Variants in LSAMP observed in about 807,000 individuals in gnomAD.
LSAMP encodes the protein limbic system associated membrane protein, also known as limbic system-associated membrane protein.
LSAMP carries 7 observed loss-of-function variants against 38.6 expected under a neutral mutation model. The observed-to-expected ratio is 0.18, with a 90% CI of 0.10 to 0.34. The LOEUF is 0.34. LSAMP is among the 10% of genes least tolerant of loss of function. The pLI is 1.00. For synonymous variants in LSAMP, 154 were observed against 166.8 expected (o/e 0.92, Z 0.59); for missense variants, 313 against 420.0 (o/e 0.75, Z 2.23).
chr3:115,939,587 T>TCTTTCTTTCTCTTTCTTTC (rs1553751094), intron 3 of LSAMP, among the ~76,000 whole-genome samples: 2 of 151,238 alleles, frequency 1.3e-5, no homozygotes, highest in Admixed American at 6.6e-5. Flanking sequence ...TTTCTTTCTG[T>TCTTTCTTTCTCTTTCTTTC]TAAGAGACAG....
intron 1 of LSAMP, among the ~76,000 whole-genome samples, chr3:116,427,408 C>A (rs1371347239): frequency 1.3e-5 from 2 of 152,188 alleles, no homozygotes; most frequent in Non-Finnish European, 2.9e-5. Flanking sequence ...GCGTGAGCCA[C>A]CGCGCCCGGC....
intron 1 of LSAMP, among the ~76,000 whole-genome samples, chr3:116,287,276 A>C (rs1003540219): frequency 5.9e-5 from 9 of 152,240 alleles, no homozygotes; most frequent in Non-Finnish European, 1.3e-4. Flanking sequence ...AGATCAGGTC[A>C]AAACTGCTTA....
At position 116,086,450 on chromosome 3, in the gene LSAMP, T is replaced by C; in HGVS notation, c.262A>G (p.Lys88Glu). The C allele has an allele frequency of 6.2e-7, 1 of 1,614,054 alleles. No individual in the cohort carries two copies. The highest frequency in any genetic ancestry group is 8.5e-7 in the Non-Finnish European group (1 of 1,180,000). ...WSLDPRVELE[K>E]RHSLEYSLRI... is the part of the protein sequence containing the mutation. ...AGGCTGTATTCCAGAGAATGGCGTT[T>C]CTCCAGCTCAACCCGTGGGTCCAGA... The change falls in exon 2 of 7, where the codon AAA becomes GAA. Residue 88 changes from lysine to glutamate, a missense_variant. Coordinates refer to ENST00000490035, the MANE Select transcript of LSAMP (RefSeq NM_002338.5).
At chr3:116,224,211 T>C (rs1463559375) in intron 1 of LSAMP, among the ~76,000 whole-genome samples, 1 of 152,206 alleles carries the variant, frequency 6.6e-6, no homozygotes, top group African/African-American at 2.4e-5. Flanking sequence ...GTTATCCAGC[T>C]ATAATTATTT....
In LSAMP at chr3:116,420,179, C is replaced by T. The variant is rs1385149422; in HGVS notation, c.155+24698G>A. On this transcript the variant is annotated intron_variant, in intron 1 of 6. Coordinates refer to ENST00000490035, the MANE Select transcript of LSAMP (RefSeq NM_002338.5). ...GTGGCACGATCTCAGCTCACTGCTA[C>T]CTCCGCCTCCTGGGTTCAAGTGATT... Among the ~76,000 whole-genome samples, 52 of 151,714 alleles carry T rather than the reference C, an allele frequency of 3.4e-4. 1 individual carries two copies. Among genetic ancestry groups the T allele is most frequent in the East Asian group, 2.0e-4 (1 of 5,126 alleles).
intron 1 of LSAMP, among the ~76,000 whole-genome samples, chr3:116,105,970 C>A (rs970318010): frequency 2.0e-5 from 3 of 151,476 alleles, no homozygotes; most frequent in African/African-American, 7.3e-5. Flanking sequence ...GAAGGGAGGT[C>A]TTGTGGTAAG....
intron 1 of LSAMP, among the ~76,000 whole-genome samples, chr3:116,425,796 G>GT (rs1286347823): frequency 6.6e-6 from 1 of 151,676 alleles, no homozygotes; most frequent in Non-Finnish European, 1.5e-5. Context: ...AAAAATTAAT[G>GT]TTTTTTGAGA....
At chr3:115,997,176 T>C (rs996864050) in intron 3 of LSAMP, among the ~76,000 whole-genome samples, 1 of 152,182 alleles carries the variant, frequency 6.6e-6, no homozygotes, top group African/African-American at 2.4e-5. Context: ...AAATAATATA[T>C]AGTAGACTTA....
intron 1 of LSAMP, among the ~76,000 whole-genome samples, chr3:116,167,419 T>C (rs1710086879): frequency 6.6e-6 from 1 of 152,322 alleles, no homozygotes; most frequent in East Asian, 1.9e-4. Context: ...TCCAAAAGGA[T>C]AGAGGAAAAG....
At chr3:116,106,455 G>A (rs1210649987) in intron 1 of LSAMP, among the ~76,000 whole-genome samples, 1 of 152,150 alleles carries the variant, frequency 6.6e-6, no homozygotes, top group Non-Finnish European at 1.5e-5. Flanking sequence ...CAGCTCAAAT[G>A]GGCTGTACCT....
At chr3:116,163,251 G>C (rs1709944883) in intron 1 of LSAMP, among the ~76,000 whole-genome samples, 1 of 115,744 alleles carries the variant, frequency 8.6e-6, no homozygotes, top group Non-Finnish European at 1.7e-5. Context: ...ACAGTCCCCA[G>C]TGTGTGATGT....
intron 1 of LSAMP, among the ~76,000 whole-genome samples, chr3:116,243,311 C>T (rs2046563654): frequency 6.6e-6 from 1 of 152,064 alleles, no homozygotes; most frequent in South Asian, 2.1e-4. Flanking sequence ...AGCATGAAGC[C>T]AGCTTAATAG....
intron 1 of LSAMP, among the ~76,000 whole-genome samples, chr3:116,421,516 C>G (rs2049125361): frequency 6.8e-6 from 1 of 148,010 alleles, no homozygotes; most frequent in South Asian, 2.2e-4. Flanking sequence ...TGCACTCCAG[C>G]CTGGGCAACA....
chr3:116,297,943 T>C (rs2047357686), intron 1 of LSAMP, among the ~76,000 whole-genome samples: 1 of 152,190 alleles, frequency 6.6e-6, no homozygotes, highest in African/African-American at 2.4e-5. Context: ...CAGAATCCAC[T>C]AATTCTGTAG....
chr3:116,408,833 A>G (rs891999407), intron 1 of LSAMP, among the ~76,000 whole-genome samples: 1 of 152,106 alleles, frequency 6.6e-6, no homozygotes, highest in African/African-American at 2.4e-5. Context: ...CACAATGACT[A>G]TAAAGCATAA....
intron 1 of LSAMP, among the ~76,000 whole-genome samples, chr3:116,364,390 A>C (rs1297863370): frequency 6.4e-5 from 1 of 15,520 alleles, no homozygotes; most frequent in Non-Finnish European, 1.0e-4. Flanking sequence ...AGAACATTCC[A>C]TGCTCATGGG....
At chr3:116,018,913 G>A (rs993486732) in intron 3 of LSAMP, among the ~76,000 whole-genome samples, 1 of 152,144 alleles carries the variant, frequency 6.6e-6, no homozygotes, top group Non-Finnish European at 1.5e-5. Context: ...CTGATGCACA[G>A]AACCAGATGC....
intron 1 of LSAMP, among the ~76,000 whole-genome samples, chr3:116,097,199 C>CATTG (rs1708243245): frequency 7.2e-6 from 1 of 139,134 alleles, no homozygotes; most frequent in African/African-American, 3.1e-5. Flanking sequence ...ATACCAAAAG[C>CATTG]ATTGCTAAGT....
chr3:116,300,057 AC>A (rs2047386487), intron 1 of LSAMP, among the ~76,000 whole-genome samples: 1 of 151,890 alleles, frequency 6.6e-6, no homozygotes, highest in Admixed American at 6.6e-5. Context: ...CTCCCTTTCC[AC>A]CTTCCACCCT....
Sources: allele counts gnomAD v4.1 joint callset (sites outside exome capture counted in the v4.1 genomes callset), GRCh38; gene constraint gnomAD v4.1.1; transcripts MANE v1.5; gene names NCBI Gene and HGNC (gene_info 2026-07-23, HGNC 2026-07-21).